IQGAP3: variants seen among roughly 807,000 people sequenced by gnomAD.
The protein encoded by IQGAP3 is ras GTPase-activating-like protein IQGAP3.
In IQGAP3, 165 loss-of-function variants were observed where a neutral mutation model predicts 208.2. That is an observed-to-expected ratio of 0.79 (90% confidence interval 0.70 to 0.90). The LOEUF is 0.90. Ranked by LOEUF, IQGAP3 falls within the 40% of genes least tolerant of loss-of-function variation. IQGAP3 has a pLI of 0.00. For synonymous variants in IQGAP3, 703 were observed against 803.6 expected (o/e 0.87, Z 2.12); for missense variants, 1,811 against 2,043.1 (o/e 0.89, Z 2.19).
At chr1:156,540,115 G>A in intron 23 of IQGAP3, 125 bp from the exon 24 acceptor site, 1 of 1,081,824 alleles carries the variant, frequency 9.2e-7, no homozygotes, top group Admixed American at 2.2e-5. Context: ...GGCATAAGCT[G>A]GGGGACAGAA....
rs1333210183 is a variant in IQGAP3, at chr1:156,544,446, C to G, written c.2331G>C (p.Arg777=). ...ACTGCAACCACTCCAGGTAAATCTT[C>G]CGCTGCCTATAACCCCGCCAATGAG... ...IQAHWRGYRQ[R]KIYLEWLQYF... is the part of the protein sequence containing the mutation. Residue 777 remains arginine (R), a synonymous_variant, in exon 20 of 38, where the codon CGG becomes CGC. Coordinates refer to ENST00000361170, the MANE Select transcript of IQGAP3 (RefSeq NM_178229.5). 3.7e-6 allele frequency: 6 copies of G among 1,614,006 alleles called. No homozygotes were observed. Among genetic ancestry groups the G allele is most frequent in the Non-Finnish European group, 5.1e-6 (6 of 1,179,970 alleles).
At chr1:156,529,890 C>T (rs1674293116) in intron 34 of IQGAP3, among the ~76,000 whole-genome samples, 1 of 126,672 alleles carries the variant, frequency 7.9e-6, no homozygotes, top group African/African-American at 3.2e-5. Context: ...CACTGCTCTC[C>T]AGCCTGGATG....
At chr1:156,549,337 G>C (rs1675427547) in intron 16 of IQGAP3, among the ~76,000 whole-genome samples, 1 of 152,048 alleles carries the variant, frequency 6.6e-6, no homozygotes, top group Non-Finnish European at 1.5e-5. Flanking sequence ...CAGCTGTGGT[G>C]GTGGGCGCCT....
At chr1:156,562,128 C>A in intron 9 of IQGAP3, 127 bp from the exon 10 acceptor site, 2 of 894,160 alleles carry the variant, frequency 2.2e-6, no homozygotes, top group South Asian at 3.6e-5. Context: ...CCCCTTGGTT[C>A]CTGGGCCCAT....
intron 35 of IQGAP3, 53 bp downstream of exon 35, chr1:156,528,863 G>T: frequency 6.3e-7 from 1 of 1,595,254 alleles, no homozygotes; most frequent in Non-Finnish European, 8.6e-7. Flanking sequence ...GGTGACATGG[G>T]CAGGGGTGAG....
chr1:156,566,611 G>A, intron 2 of IQGAP3, 65 bp from the exon 3 acceptor site: 4 of 1,519,542 alleles, frequency 2.6e-6, no homozygotes, highest in South Asian at 2.4e-5. Flanking sequence ...CTAACAACAG[G>A]AACTTCCCTC....
intron 2 of IQGAP3, among the ~76,000 whole-genome samples, chr1:156,567,105 GA>G: frequency 6.6e-6 from 1 of 152,296 alleles, no homozygotes; most frequent in Non-Finnish European, 1.5e-5. Flanking sequence ...GACCTCAGGT[GA>G]TCCGCCCGCC....
At chr1:156,566,680 C>A in intron 2 of IQGAP3, 134 bp from the exon 3 acceptor site, 2 of 825,746 alleles carry the variant, frequency 2.4e-6, no homozygotes, top group Non-Finnish European at 3.8e-6. Context: ...GCTCTACCTC[C>A]AACTCCCTTC....
At position 156,538,943 on chromosome 1, in the gene IQGAP3, C is replaced by T. The variant is rs1179444406; in HGVS notation, c.3147G>A (p.Gln1049=). 1.9e-6 allele frequency: 3 copies of T among 1,614,068 alleles called. No homozygotes were observed. The African/African-American group carries it at 4.0e-5, about 22-fold the overall frequency. ...TGCCCAGAATCTCCTGCAGGGCACT[C>T]TGTCCCCGCCCATTACGGTAGAATC... is the stretch of plus-strand genomic sequence containing the variant. ...VVRFYRNGRG[Q]SALQEILGKV... The change falls in exon 26 of 38, where the codon CAG becomes CAA. Residue 1049 remains glutamine, a synonymous_variant. Coordinates refer to ENST00000361170, the MANE Select transcript of IQGAP3 (RefSeq NM_178229.5).
chr1:156,556,759 CA>C (rs1267546192), intron 11 of IQGAP3, 66 bp from the exon 12 acceptor site: 21 of 1,394,932 alleles, frequency 1.5e-5, no homozygotes, highest in Non-Finnish European at 2.0e-5. Context: ...CTCTCCTCAC[CA>C]ACTAGGCTCC....
intron 37 of IQGAP3, among the ~76,000 whole-genome samples, chr1:156,526,935 C>T (rs1368255947): frequency 2.0e-5 from 3 of 151,974 alleles, no homozygotes; most frequent in East Asian, 2.0e-4. Flanking sequence ...CAGGTTCAAG[C>T]GATTTTCCTG....
At chr1:156,570,912 G>A (rs962242996) in intron 1 of IQGAP3, among the ~76,000 whole-genome samples, 1 of 152,344 alleles carries the variant, frequency 6.6e-6, no homozygotes, top group East Asian at 1.9e-4. Context: ...GGAAGCAAAG[G>A]ATTCTAGCTA....
chr1:156,560,466 G>T (rs973737462), intron 11 of IQGAP3, among the ~76,000 whole-genome samples: 1 of 152,194 alleles, frequency 6.6e-6, no homozygotes, highest in African/African-American at 2.4e-5. Context: ...AGCCGAGATT[G>T]TGCCACTGCA....
intron 9 of IQGAP3, 48 bp from the exon 10 acceptor site, chr1:156,562,049 C>A (rs1384204975): frequency 3.3e-6 from 5 of 1,504,388 alleles, no homozygotes; most frequent in East Asian, 2.3e-5. Flanking sequence ...AGCCACCTCT[C>A]ATAATCCCCT....
chr1:156,528,579 G>A lies in IQGAP3; in HGVS notation c.4603C>T (p.Leu1535Phe). ...SSGKGKKQPS[L>F]HYTAAQLLEK... ...AGGAGCTGAGCAGCAGTGTAATGAA[G>A]AGAAGGCTGCTTCTTCCCCTTCCCA... The change falls in exon 36 of 38, where the codon CTT becomes TTT. Residue 1535 changes from leucine (L) to phenylalanine (F), a missense_variant. Transcript: ENST00000361170. The A allele has an allele frequency of 6.2e-7, 1 of 1,613,846 alleles. No individual in the cohort carries two copies. Among genetic ancestry groups the A allele is most frequent in the Non-Finnish European group, 8.5e-7 (1 of 1,179,872 alleles).
chr1:156,532,120 C>T lies in IQGAP3; in HGVS notation c.4103+860G>A, dbSNP rs537335260. Among the ~76,000 whole-genome samples the T allele has an allele frequency of 2.0e-5, 3 of 151,972 alleles. No individual in the cohort carries two copies. The East Asian group carries it at 5.9e-4, about 30-fold the overall frequency. ...TGCGGAATTAGGCTGGGCGCAGTGG[C>T]TCACGCCTGTAATCCCAGCACTTTG... On this transcript the variant is annotated intron_variant, in intron 32 of 37. Transcript: ENST00000361170.
chr1:156,537,615 C>T (rs1040318887), intron 26 of IQGAP3, among the ~76,000 whole-genome samples: 2 of 152,110 alleles, frequency 1.3e-5, no homozygotes, highest in Non-Finnish European at 2.9e-5. Flanking sequence ...CAGGCGGCTG[C>T]GCTGCAAATA....
Position 156,548,159 on chromosome 1 carries a change from G to A in IQGAP3, c.2218C>T (p.Arg740Cys), listed in dbSNP as rs543532316. 8.1e-6 allele frequency: 13 copies of A among 1,614,040 alleles called. No individual in the cohort carries two copies. Among genetic ancestry groups the A allele is most frequent in the East Asian group, 4.5e-5 (2 of 44,870 alleles). The part of the protein sequence containing the change: ...NVGFVIQLQA[R>C]LRGFLVRQKF... ...TGCCGAACTAGGAAGCCACGGAGGC[G>A]GGCCTGGAGCTGGATAACAAAGCCG... Residue 740 changes from arginine (R) to cysteine (C), a missense_variant, in exon 19 of 38, where the codon CGC becomes TGC. Transcript: ENST00000361170.
chr1:156,534,348 G>A (rs1674578864), intron 29 of IQGAP3, among the ~76,000 whole-genome samples, 153 bp downstream of exon 29: 1 of 152,080 alleles, frequency 6.6e-6, no homozygotes, highest in Admixed American at 6.5e-5. Context: ...CTCTCCACTG[G>A]GGAGTCCTTC....
Sources: gnomAD v4.1 joint callset for allele counts (sites outside exome capture counted in the v4.1 genomes callset) on GRCh38, gnomAD v4.1.1 for gene constraint, MANE v1.5 for transcripts, NCBI Gene and HGNC (gene_info 2026-07-23, HGNC 2026-07-21) for gene names.